RSRP1: variants seen among roughly 807,000 people sequenced by gnomAD.
RSRP1 encodes the protein arginine and serine rich protein 1.
A neutral mutation model predicts 33.0 loss-of-function variants in RSRP1; 37 were observed. The ratio of observed to expected loss-of-function variants is 1.12; its 90% CI spans 0.86 to 1.48. The LOEUF is 1.48. Ranked by LOEUF, RSRP1 falls within the 40% of genes most tolerant of loss-of-function variation. The pLI is 0.00. For synonymous variants in RSRP1, 167 were observed against 158.7 expected, an observed-to-expected ratio of 1.05 and a Z score of -0.40; for missense variants, 402 against 385.3, an observed-to-expected ratio of 1.04 and a Z score of -0.36.
intron 1 of RSRP1, among the ~76,000 whole-genome samples, chr1:25,260,431 AT>A (rs150944923): frequency 3.3e-5 from 5 of 151,530 alleles, no homozygotes; most frequent in Admixed American, 2.0e-4. Flanking sequence ...AATTTTACAG[AT>A]TTTTTTTTCC....
rs143319928 is a variant in RSRP1, at chr1:25,283,535, T to TA, written c.-66-36507dup. 0.016 allele frequency among the ~76,000 whole-genome samples: 1,752 copies of TA among 109,140 alleles called. 245 individuals carry two copies. In the East Asian group the frequency reaches 0.24, roughly 15 times the overall value. 71.6% of individuals were successfully genotyped at this position (109,140 alleles called of 152,430 possible). On this transcript the variant is annotated intron_variant, in intron 1 of 1. Transcript: ENST00000561867. ...GACGAGTGAAACTCTATCTCGATATTAAAAAAAAAAATCTTAGCTCTACCC... is the reference window on the plus strand; with the variant it reads ...GACGAGTGAAACTCTATCTCGATATTAAAAAAAAAAAATCTTAGCTCTACCC...
intron 1 of RSRP1, chr1:25,328,910 G>A: frequency 8.1e-7 from 1 of 1,239,502 alleles, no homozygotes; most frequent in Non-Finnish European, 1.2e-6. Context: ...TCCTCATTTG[G>A]CTGTTGGATT....
intron 1 of RSRP1, among the ~76,000 whole-genome samples, chr1:25,322,126 GT>G (rs747585535): frequency 1.5e-5 from 2 of 131,672 alleles, no homozygotes; most frequent in Non-Finnish European, 3.6e-5. Context: ...TGATATGCAT[GT>G]GTGTGGGGGA....
intron 3 of RSRP1, chr1:25,243,997 G>A: frequency 4.3e-6 from 5 of 1,165,862 alleles, no homozygotes; most frequent in Non-Finnish European, 5.4e-6. Context: ...CAAAGACCTT[G>A]TCTACTAATA....
In RSRP1 at chr1:25,269,702, C is replaced by G. The variant is rs1640435001; in HGVS notation, c.-66-22673G>C. Among the ~76,000 whole-genome samples, 2 of 132,976 alleles carry G rather than the reference C, an allele frequency of 1.5e-5. 1 individual carries two copies. The highest frequency in any genetic ancestry group is 3.6e-5 in the Non-Finnish European group (2 of 55,998). The allele number at this position is 132,976 out of a possible 152,430, so 87.2% of individuals were successfully genotyped here. A position where few individuals can be genotyped will look rare whatever the true frequency, so the allele number is the denominator to read the frequency against. On this transcript the variant is annotated intron_variant, in intron 1 of 1. Transcript: ENST00000561867. ...AGAAAATGGGGCCTTTTATAAGAGTCAGAGGGGAAGAGCAAAACCTCTGCT... is the reference window on the plus strand; with the variant it reads ...AGAAAATGGGGCCTTTTATAAGAGTGAGAGGGGAAGAGCAAAACCTCTGCT...
chr1:25,321,910 T>A (rs1307492910), intron 1 of RSRP1: 3 of 1,328,174 alleles, frequency 2.3e-6, no homozygotes, highest in African/African-American at 2.8e-5. Context: ...AATCTTAAAA[T>A]ATGGAAAGCA....
chr1:25,302,654 G>A (rs1297680966), intron 1 of RSRP1, among the ~76,000 whole-genome samples: 1 of 129,992 alleles, frequency 7.7e-6, no homozygotes, highest in East Asian at 2.0e-4. Flanking sequence ...ACAAGGCCCA[G>A]CTTATTGAAA....
In RSRP1 at chr1:25,268,863, A is replaced by G. The variant is rs112175453; in HGVS notation, c.-66-21834T>C. On this transcript the variant is annotated intron_variant, in intron 1 of 1. Coordinates refer to the RSRP1 transcript ENST00000561867. Reference sequence around the variant, plus strand: ...CTCGGGAGGCTGAGGCGGGAGAATCACTTGAACCTGGGAGGTGGAGGTTGC... The same window carrying G: ...CTCGGGAGGCTGAGGCGGGAGAATCGCTTGAACCTGGGAGGTGGAGGTTGC... 5.3e-3 allele frequency among the ~76,000 whole-genome samples: 685 copies of G among 128,084 alleles called. 93 individuals carry two copies. The highest frequency in any genetic ancestry group is 0.017 in the African/African-American group (649 of 37,596). 84.0% of individuals were successfully genotyped at this position (128,084 alleles called of 152,430 possible).
intron 1 of RSRP1, chr1:25,253,310 C>T (rs1639848193): frequency 6.6e-6 from 1 of 152,222 alleles, no homozygotes; most frequent in Non-Finnish European, 1.5e-5. Flanking sequence ...TTTGGTTTAT[C>T]AGCTGTATCG....
chr1:25,264,361 G>A (rs565830418), intron 1 of RSRP1, among the ~76,000 whole-genome samples: 28 of 152,004 alleles, frequency 1.8e-4, no homozygotes, highest in African/African-American at 5.6e-4. Flanking sequence ...TCTAGGCGAA[G>A]GTTTCCAAAC....
At chr1:25,271,813 G>C (rs1196268912) in intron 1 of RSRP1, among the ~76,000 whole-genome samples, 3 of 131,416 alleles carry the variant, frequency 2.3e-5, no homozygotes, top group African/African-American at 7.8e-5. Flanking sequence ...CTGTGAGGAG[G>C]TGACCAGAGG....
At chr1:25,304,847 A>C (rs1220379349) in intron 1 of RSRP1, 2 of 132,014 alleles carry the variant, frequency 1.5e-5, no homozygotes, top group Non-Finnish European at 3.6e-5. Flanking sequence ...GAAGGGCAGA[A>C]AAAAGAACAC....
At chr1:25,295,381 C>T (rs1409296509) in intron 1 of RSRP1, among the ~76,000 whole-genome samples, 2 of 110,040 alleles carry the variant, frequency 1.8e-5, no homozygotes, top group Non-Finnish European at 4.3e-5. Flanking sequence ...TAGGACAGTG[C>T]CTGGCATGGG....
rs374968435 is a variant in RSRP1, at chr1:25,284,795, A to G, written c.-66-37766T>C. The G allele has an allele frequency of 6.9e-4, 938 of 1,368,568 alleles. 158 individuals are homozygous for G. The African/African-American group carries it at 0.011, about 16-fold the overall frequency. 84.8% of individuals were successfully genotyped at this position (1,368,568 alleles called of 1,614,324 possible). A position where few individuals can be genotyped will look rare whatever the true frequency, so the allele number is the denominator to read the frequency against. Reference sequence around the variant, plus strand: ...GGTGGCTGGATCACTTCTGGGTCATAGAGGGAATGGACCCCGAAAGGACAG... The same window carrying G: ...GGTGGCTGGATCACTTCTGGGTCATGGAGGGAATGGACCCCGAAAGGACAG... On this transcript the variant is annotated intron_variant, in intron 1 of 1. Transcript: ENST00000561867.
Position 25,303,804 on chromosome 1 carries a change from T to C in RSRP1, c.-67+34174A>G, listed in dbSNP as rs1329783112. Among the ~76,000 whole-genome samples the C allele has an allele frequency of 1.5e-5, 2 of 131,012 alleles. 1 individual carries two copies. Among genetic ancestry groups the C allele is most frequent in the Non-Finnish European group, 3.6e-5 (2 of 55,504 alleles). The allele number at this position is 131,012 out of a possible 152,430, so 85.9% of individuals were successfully genotyped here. ...TTGCTTTTCCTGAATATCTGCTTTA[T>C]TCTTACTCTATAGACATGCTTCCTC... On this transcript the variant is annotated intron_variant, in intron 1 of 1. Transcript: ENST00000561867.
In RSRP1 at chr1:25,245,318, G is replaced by T; in HGVS notation, c.521-17C>A. On this transcript the variant is annotated splice_polypyrimidine_tract_variant and intron_variant, in intron 2 of 4. Transcript: ENST00000243189. ...CCATTCGATCTAAAAAAAAAAGAGAGAGATTTTAAAATACTCATTAATCTG... is the reference window on the plus strand; with the variant it reads ...CCATTCGATCTAAAAAAAAAAGAGATAGATTTTAAAATACTCATTAATCTG... 1 of 1,596,448 alleles carries T rather than the reference G, an allele frequency of 6.3e-7. No homozygotes were observed.
rs189555493 is a variant in RSRP1, at chr1:25,323,499, C to T, written c.-67+14479G>A. Among the ~76,000 whole-genome samples the T allele has an allele frequency of 2.2e-3, 282 of 125,900 alleles. 40 individuals carry two copies. The highest frequency in any genetic ancestry group is 7.3e-3 in the African/African-American group (266 of 36,488). 82.6% of individuals were successfully genotyped at this position (125,900 alleles called of 152,430 possible). On this transcript the variant is annotated intron_variant, in intron 1 of 1. Coordinates refer to the RSRP1 transcript ENST00000561867. Reference sequence around the variant, plus strand: ...TTTGAGACAGGGTCTCACTCCGCCACCCACACCGTAATGCAGTGGCACCAT... The same window carrying T: ...TTTGAGACAGGGTCTCACTCCGCCATCCACACCGTAATGCAGTGGCACCAT...
Position 25,280,249 on chromosome 1 carries a change from C to G in RSRP1, c.-66-33220G>C, listed in dbSNP as rs763271641. Among the ~76,000 whole-genome samples, 3 of 127,194 alleles carry G rather than the reference C, an allele frequency of 2.4e-5. 1 individual carries two copies. The highest frequency in any genetic ancestry group is 2.4e-4 in the South Asian group (1 of 4,222). The allele number at this position is 127,194 out of a possible 152,430, so 83.4% of individuals were successfully genotyped here. A position where few individuals can be genotyped will look rare whatever the true frequency, so the allele number is the denominator to read the frequency against. ...ATACCTGGAATCAGGGAATCGGGAT[C>G]AGGGGCAGCAGCTGTGCCCAATAAA... On this transcript the variant is annotated intron_variant, in intron 1 of 1. Coordinates refer to the RSRP1 transcript ENST00000561867.
At chr1:25,287,296 G>A (rs1642110704) in intron 1 of RSRP1, among the ~76,000 whole-genome samples, 1 of 133,408 alleles carries the variant, frequency 7.5e-6, no homozygotes, top group East Asian at 1.9e-4. Context: ...CTGCCCCACA[G>A]TCTAGGGCTG....
Sources: allele counts gnomAD v4.1 joint callset (sites outside exome capture counted in the v4.1 genomes callset), GRCh38; gene constraint gnomAD v4.1.1; transcripts MANE v1.5; gene names NCBI Gene and HGNC (gene_info 2026-07-23, HGNC 2026-07-21).